The following KAT2B variants were observed in gnomAD, a reference collection of about 807,000 sequenced individuals.
KAT2B encodes the protein histone acetyltransferase KAT2B.
In KAT2B, 36 loss-of-function variants were observed where a neutral mutation model predicts 105.9. That is an observed-to-expected ratio of 0.34 (90% confidence interval 0.26 to 0.45). The LOEUF (loss-of-function observed/expected upper bound fraction) is 0.45, where lower values mean the gene tolerates loss of function less well. KAT2B is among the 20% of genes least tolerant of loss of function. The probability of loss-of-function intolerance (pLI) is 1.00; values close to 1 mark genes in which losing one functional copy is unlikely to be tolerated. For missense variants in KAT2B, 820 were observed against 1,021.6 expected, an observed-to-expected ratio of 0.80 and a Z score of 2.69; for synonymous variants, 397 against 377.9, an observed-to-expected ratio of 1.05 and a Z score of -0.59.
Position 20,090,952 on chromosome 3 carries a change from A to C in KAT2B, c.431-4311A>C, listed in dbSNP as rs549273649. Among the ~76,000 whole-genome samples, 367 of 152,012 alleles carry C rather than the reference A, an allele frequency of 2.4e-3. 4 individuals carry two copies. Among genetic ancestry groups the C allele is most frequent in the African/African-American group, 8.2e-3 (340 of 41,464 alleles). ...TTTTTTGTAGAAACAGGGTCTCACTATGTTGTGCAGGCTTGTCTTGAACTC... is the reference window on the plus strand; with the variant it reads ...TTTTTTGTAGAAACAGGGTCTCACTCTGTTGTGCAGGCTTGTCTTGAACTC... On this transcript the variant is annotated intron_variant, in intron 2 of 17. Coordinates refer to ENST00000263754, the MANE Select transcript of KAT2B (RefSeq NM_003884.5).
In KAT2B at chr3:20,152,666, A is replaced by T; in HGVS notation, c.*141A>T. 17 of 554,492 alleles carry T rather than the reference A, an allele frequency of 3.1e-5. No homozygotes were observed. Among genetic ancestry groups the T allele is most frequent in the South Asian group, 1.7e-4 (5 of 29,758 alleles). 34.3% of individuals were successfully genotyped at this position (554,492 alleles called of 1,614,324 possible). Reference sequence around the variant, plus strand: ...ATTAGCACTTTTGAAAAAACAAAAAACCTCCTTTTAGCTTTTCAGATATGT... The same window carrying T: ...ATTAGCACTTTTGAAAAAACAAAAATCCTCCTTTTAGCTTTTCAGATATGT... On this transcript the variant is annotated 3_prime_UTR_variant, in exon 18 of 18. Transcript: ENST00000263754.
intron 3 of KAT2B, among the ~76,000 whole-genome samples, chr3:20,097,874 C>G (rs1457925446): frequency 6.6e-6 from 1 of 152,062 alleles, no homozygotes; most frequent in African/African-American, 2.4e-5. Context: ...AAGGCAGTTC[C>G]TGTGTCTCAT....
intron 2 of KAT2B, among the ~76,000 whole-genome samples, chr3:20,076,735 C>G (rs912822515): frequency 6.6e-6 from 1 of 152,116 alleles, no homozygotes; most frequent in African/African-American, 2.4e-5. Context: ...ATGCAGATAT[C>G]TTCTTAATTG....
At chr3:20,097,638 G>C (rs550295631) in intron 3 of KAT2B, among the ~76,000 whole-genome samples, 1 of 152,262 alleles carries the variant, frequency 6.6e-6, no homozygotes, top group South Asian at 2.1e-4. Flanking sequence ...CTGAGTTCAA[G>C]TGATTCTCCT....
chr3:20,134,923 A>G (rs1339466663), intron 11 of KAT2B, among the ~76,000 whole-genome samples: 1 of 152,232 alleles, frequency 6.6e-6, no homozygotes, highest in Non-Finnish European at 1.5e-5. Flanking sequence ...ACATGTAATA[A>G]GTATAAAATG....
At chr3:20,061,790 A>G (rs1698105129) in intron 1 of KAT2B, among the ~76,000 whole-genome samples, 1 of 133,724 alleles carries the variant, frequency 7.5e-6, no homozygotes, top group Non-Finnish European at 1.6e-5. Flanking sequence ...AATACATAAA[A>G]TATATTATAT....
At chr3:20,073,221 TCC>T (rs1698358474) in intron 2 of KAT2B, among the ~76,000 whole-genome samples, 1 of 152,214 alleles carries the variant, frequency 6.6e-6, no homozygotes, top group Non-Finnish European at 1.5e-5. Context: ...ATTCTTACTT[TCC>T]TGCCTTCAGT....
chr3:20,122,658 A>T lies in KAT2B; in HGVS notation c.1277-10A>T, dbSNP rs1384914957. On this transcript the variant is annotated splice_polypyrimidine_tract_variant and intron_variant, in intron 8 of 17. Coordinates refer to ENST00000263754, the MANE Select transcript of KAT2B (RefSeq NM_003884.5). The stretch of plus-strand genomic sequence containing the variant: ...CACCCATTGTTTGCCTTTTATTTTG[A>T]TCATCATAGGAGAAAAGAGGAAAAT... The T allele has an allele frequency of 6.2e-7, 1 of 1,609,570 alleles. No homozygotes were observed. The highest frequency in any genetic ancestry group is 8.5e-7 in the Non-Finnish European group (1 of 1,177,356).
chr3:20,052,339 G>A (rs1222282831), intron 1 of KAT2B, among the ~76,000 whole-genome samples: 4 of 152,174 alleles, frequency 2.6e-5, no homozygotes, highest in African/African-American at 9.7e-5. Flanking sequence ...TCCATGAAGC[G>A]GAGATTTGGG....
chr3:20,079,519 T>C (rs933456113), intron 2 of KAT2B, among the ~76,000 whole-genome samples: 1 of 152,122 alleles, frequency 6.6e-6, no homozygotes, highest in East Asian at 1.9e-4. Flanking sequence ...CTCCCAGAGA[T>C]TTTTAAGGAA....
chr3:20,052,121 A>G (rs35659955), intron 1 of KAT2B, among the ~76,000 whole-genome samples: 26,531 of 152,222 alleles, frequency 0.17, 3,021 homozygotes, highest in Non-Finnish European at 0.26. Flanking sequence ...GTATCTCTGT[A>G]TCTTGTTCTC....
chr3:20,049,662 T>A lies in KAT2B; in HGVS notation c.303+8882T>A, dbSNP rs141952960. On this transcript the variant is annotated intron_variant, in intron 1 of 17. Coordinates refer to ENST00000263754, the MANE Select transcript of KAT2B (RefSeq NM_003884.5). ...TTTATTGTACTCCAATTGAGAGGTA[T>A]GTTCAAAGGATTTTCTAGTCCATTG... 4.1e-3 allele frequency among the ~76,000 whole-genome samples: 630 copies of A among 152,332 alleles called. 4 individuals carry two copies. The highest frequency in any genetic ancestry group is 0.014 in the African/African-American group (590 of 41,572).
At chr3:20,124,720 C>T (rs1699368868) in intron 9 of KAT2B, among the ~76,000 whole-genome samples, 1 of 152,142 alleles carries the variant, frequency 6.6e-6, no homozygotes, top group Admixed American at 6.5e-5. Context: ...CTGGAATGCA[C>T]AAGAAAATTG....
chr3:20,070,116 G>A (rs2948094), intron 1 of KAT2B, among the ~76,000 whole-genome samples: 62,677 of 151,682 alleles, frequency 0.41, 13,261 homozygotes, highest in South Asian at 0.49. Flanking sequence ...ATGTAGCTAT[G>A]GGGATGCTGA....
intron 2 of KAT2B, among the ~76,000 whole-genome samples, chr3:20,089,196 G>C (rs1698671569): frequency 6.6e-6 from 1 of 152,096 alleles, no homozygotes; most frequent in South Asian, 2.1e-4. Context: ...GCTCAAGATT[G>C]CTTTGGCTAT....
intron 1 of KAT2B, among the ~76,000 whole-genome samples, chr3:20,055,370 C>G (rs1697987724): frequency 6.6e-6 from 1 of 152,160 alleles, no homozygotes; most frequent in African/African-American, 2.4e-5. Flanking sequence ...AGCTTGCTTT[C>G]TGGTAGCAGA....
intron 3 of KAT2B, 125 bp downstream of exon 3, chr3:20,095,533 C>T (rs886167397): frequency 1.7e-6 from 1 of 603,126 alleles, no homozygotes; most frequent in East Asian, 2.8e-5. Context: ...GTTTGCTGAA[C>T]AATACGTTTC....
intron 2 of KAT2B, among the ~76,000 whole-genome samples, chr3:20,079,834 G>C (rs1035211833): frequency 1.2e-4 from 18 of 152,184 alleles, no homozygotes; most frequent in African/African-American, 4.1e-4. Context: ...GTCCACTGCT[G>C]GCTAATGCAG....
At chr3:20,071,031 T>G (rs1370950879) in intron 1 of KAT2B, among the ~76,000 whole-genome samples, 1 of 150,094 alleles carries the variant, frequency 6.7e-6, no homozygotes, top group Non-Finnish European at 1.5e-5. Context: ...AACCAAAAAG[T>G]TTGGATAACT....
Sources: allele counts gnomAD v4.1 joint callset (sites outside exome capture counted in the v4.1 genomes callset), GRCh38; gene constraint gnomAD v4.1.1; transcripts MANE v1.5; gene names NCBI Gene and HGNC (gene_info 2026-07-23, HGNC 2026-07-21).